Variants in POU2F2 observed in about 807,000 individuals in gnomAD.
POU2F2 encodes the protein POU domain, class 2, transcription factor 2.
A neutral mutation model predicts 63.5 loss-of-function variants in POU2F2; 14 were observed. That is an observed-to-expected ratio of 0.22 (90% confidence interval 0.15 to 0.34). POU2F2 has a LOEUF of 0.34. POU2F2 is among the 10% of genes least tolerant of loss of function. The pLI, the probability that POU2F2 is intolerant of heterozygous loss-of-function variation, is 1.00. For synonymous variants in POU2F2, 306 were observed against 348.6 expected (o/e 0.88, Z 1.36); for missense variants, 607 against 815.2 (o/e 0.74, Z 3.11).
At chr19:42,131,109 C>T (rs2033686156) in intron 1 of POU2F2, among the ~76,000 whole-genome samples, 1 of 122,146 alleles carries the variant, frequency 8.2e-6, no homozygotes. Context: ...CCAGCCCTGA[C>T]CCTTCTGCCT....
intron 1 of POU2F2, among the ~76,000 whole-genome samples, chr19:42,193,020 A>C (rs1428667591): frequency 1.3e-5 from 2 of 151,400 alleles, no homozygotes; most frequent in Non-Finnish European, 2.9e-5. Flanking sequence ...GGAGATCAAG[A>C]CTATCCTGGC....
At chr19:42,144,507 G>C (rs1393126191) in intron 2 of POU2F2, among the ~76,000 whole-genome samples, 4 of 152,214 alleles carry the variant, frequency 2.6e-5, no homozygotes, top group Admixed American at 6.5e-5. Flanking sequence ...CACATCTTCA[G>C]GGAGGGCCCA....
At chr19:42,193,131 C>T (rs951688773) in intron 1 of POU2F2, among the ~76,000 whole-genome samples, 14 of 143,458 alleles carry the variant, frequency 9.8e-5, no homozygotes, top group African/African-American at 2.3e-4. Context: ...GAGGCTGAGG[C>T]GGGAGAATGG....
At chr19:42,108,334 T>C (rs1375112252) in intron 5 of POU2F2, among the ~76,000 whole-genome samples, 2 of 152,214 alleles carry the variant, frequency 1.3e-5, no homozygotes, top group Non-Finnish European at 2.9e-5. Flanking sequence ...CTCGCACCTA[T>C]AGTTCCAGCA....
At chr19:42,112,363 C>A (rs1039029654) in intron 5 of POU2F2, among the ~76,000 whole-genome samples, 1 of 152,092 alleles carries the variant, frequency 6.6e-6, no homozygotes, top group African/African-American at 2.4e-5. Context: ...AGCCAGGGGA[C>A]GTGTTTTTGT....
At chr19:42,119,640 C>G (rs1295026349) in intron 4 of POU2F2, among the ~76,000 whole-genome samples, 1 of 152,178 alleles carries the variant, frequency 6.6e-6, no homozygotes, top group Non-Finnish European at 1.5e-5. Context: ...CCATCGCACT[C>G]CAGCCTGGGC....
intron 2 of POU2F2, among the ~76,000 whole-genome samples, chr19:42,151,323 G>C (rs1304288628): frequency 6.6e-6 from 1 of 152,142 alleles, no homozygotes; most frequent in East Asian, 1.9e-4. Context: ...GCGGGGGTGG[G>C]GGCCGCCTGC....
intron 5 of POU2F2, among the ~76,000 whole-genome samples, chr19:42,102,102 G>T (rs1365422331): frequency 6.6e-6 from 1 of 152,164 alleles, no homozygotes; most frequent in African/African-American, 2.4e-5. Flanking sequence ...TGTTCACGTG[G>T]ACCATTTGAA....
intron 2 of POU2F2, 34 bp downstream of exon 2, chr19:42,122,477 G>A: frequency 6.2e-7 from 1 of 1,607,780 alleles, no homozygotes; most frequent in Non-Finnish European, 8.5e-7. Context: ...CCTGCCCACG[G>A]TGACCCCTGC....
chr19:42,106,857 GAGA>G (rs2030158455), intron 5 of POU2F2, among the ~76,000 whole-genome samples: 1 of 151,570 alleles, frequency 6.6e-6, no homozygotes, highest in Non-Finnish European at 1.5e-5. Context: ...GAAGGAGAAG[GAGA>G]AGGAGGAGAA....
At chr19:42,171,557 G>A (rs1209691376) in intron 1 of POU2F2, among the ~76,000 whole-genome samples, 7 of 151,930 alleles carry the variant, frequency 4.6e-5, no homozygotes, top group Admixed American at 3.9e-4. Flanking sequence ...GGCATGGGGG[G>A]CAGTGCGGTA....
intron 5 of POU2F2, chr19:42,116,718 G>A (rs1476047745): frequency 1.8e-5 from 6 of 337,148 alleles, no homozygotes; most frequent in East Asian, 8.7e-5. Context: ...CCTGTGCTGT[G>A]AGCTGGATGG....
upstream of POU2F2, among the ~76,000 whole-genome samples, chr19:42,177,999 G>A (rs1422650408): frequency 6.6e-6 from 1 of 152,004 alleles, no homozygotes; most frequent in Admixed American, 6.5e-5. Context: ...CTCAAAGGCA[G>A]GGAGAGGCCC....
chr19:42,173,835 T>A (rs1407401630), intron 1 of POU2F2, among the ~76,000 whole-genome samples: 2 of 152,044 alleles, frequency 1.3e-5, no homozygotes, highest in Non-Finnish European at 2.9e-5. Context: ...GGTCTGGACC[T>A]CTCCAACGGC....
intron 2 of POU2F2, among the ~76,000 whole-genome samples, chr19:42,157,696 G>A (rs891691888): frequency 6.6e-6 from 1 of 152,242 alleles, no homozygotes; most frequent in Non-Finnish European, 1.5e-5. Context: ...TACGGTGATA[G>A]TGCTCAGGAG....
intron 5 of POU2F2, among the ~76,000 whole-genome samples, chr19:42,106,020 T>TTTCC (rs2029873654): frequency 6.8e-6 from 1 of 147,122 alleles, no homozygotes; most frequent in African/African-American, 2.6e-5. Context: ...TCTTTCTTTC[T>TTTCC]TTCTTTCTTT....
chr19:42,146,075 G>C (rs987002722), intron 2 of POU2F2, among the ~76,000 whole-genome samples: 27 of 149,010 alleles, frequency 1.8e-4, no homozygotes, highest in Admixed American at 1.7e-3. Context: ...TTCTGCTTTA[G>C]ACAAGTTAAA....
At chr19:42,151,772 G>A (rs576379785) in intron 2 of POU2F2, among the ~76,000 whole-genome samples, 1 of 152,254 alleles carries the variant, frequency 6.6e-6, no homozygotes, top group African/African-American at 2.4e-5. Flanking sequence ...GGTTTGGTGG[G>A]GGCAGATGGT....
chr19:42,147,094 C>T (rs1269164428), intron 2 of POU2F2, among the ~76,000 whole-genome samples: 1 of 152,166 alleles, frequency 6.6e-6, no homozygotes, highest in African/African-American at 2.4e-5. Context: ...GTGTCACTCC[C>T]TTGCTTAAGA....
Sources: allele counts gnomAD v4.1 joint callset (sites outside exome capture counted in the v4.1 genomes callset), GRCh38; gene constraint gnomAD v4.1.1; transcripts MANE v1.5; gene names NCBI Gene and HGNC (gene_info 2026-07-23, HGNC 2026-07-21).